Variants in PEX5L observed in about 807,000 individuals in gnomAD.
PEX5L encodes peroxisomal biogenesis factor 5 like.
Under a neutral mutation model 84.0 loss-of-function variants are expected in PEX5L, and 30 were observed. The ratio of observed to expected loss-of-function variants is 0.36; its 90% CI spans 0.27 to 0.48. The LOEUF (loss-of-function observed/expected upper bound fraction) is 0.48. Among genes scored for constraint, PEX5L ranks in the 20% least tolerant of loss-of-function variants. The pLI, the probability that PEX5L is intolerant of heterozygous loss-of-function variation, is 0.99. For synonymous variants in PEX5L, 270 were observed against 283.1 expected, an observed-to-expected ratio of 0.95 and a Z score of 0.46; for missense variants, 533 against 754.6, an observed-to-expected ratio of 0.71 and a Z score of 3.44.
intron 2 of PEX5L, among the ~76,000 whole-genome samples, chr3:179,969,243 A>G (rs1784143148): frequency 6.6e-6 from 1 of 152,108 alleles, no homozygotes; most frequent in South Asian, 2.1e-4. Context: ...TTGCAGTTAC[A>G]TGAAGATTAA....
At chr3:179,821,851 T>C (rs79676729) in intron 8 of PEX5L, among the ~76,000 whole-genome samples, 2,731 of 152,370 alleles carry the variant, frequency 0.018, 46 homozygotes, top group South Asian at 0.045. Flanking sequence ...ACCATGTTAA[T>C]AGAAATGTGC....
intron 1 of PEX5L, among the ~76,000 whole-genome samples, chr3:179,972,816 G>GTT (rs142647530): frequency 8.1e-5 from 12 of 147,516 alleles, no homozygotes; most frequent in African/African-American, 3.0e-4. Context: ...ATTTTTGTGG[G>GTT]TTTTTTTTTT....
At chr3:179,940,495 T>TATC (rs962231509) in intron 2 of PEX5L, among the ~76,000 whole-genome samples, 1 of 152,134 alleles carries the variant, frequency 6.6e-6, no homozygotes, top group Admixed American at 6.5e-5. Flanking sequence ...TAGTTGCCAC[T>TATC]ATCAGGAAAC....
intron 8 of PEX5L, among the ~76,000 whole-genome samples, chr3:179,821,110 C>T (rs1303421104): frequency 6.6e-6 from 1 of 152,078 alleles, no homozygotes; most frequent in Non-Finnish European, 1.5e-5. Context: ...AGCGGCGGGG[C>T]GGCGGGTGGG....
chr3:179,968,319 C>T (rs1489708247), intron 2 of PEX5L, among the ~76,000 whole-genome samples: 2 of 151,866 alleles, frequency 1.3e-5, no homozygotes, highest in Admixed American at 1.3e-4. Context: ...GTTTTTAATC[C>T]CTTAAGTCAA....
intron 2 of PEX5L, among the ~76,000 whole-genome samples, chr3:179,945,795 A>G (rs1056510272): frequency 1.3e-5 from 2 of 152,220 alleles, no homozygotes; most frequent in Non-Finnish European, 2.9e-5. Context: ...AGGAAAGTCT[A>G]TGAAACATAT....
chr3:179,912,748 C>CA (rs1410980872), intron 2 of PEX5L, among the ~76,000 whole-genome samples: 1 of 151,884 alleles, frequency 6.6e-6, no homozygotes, highest in Non-Finnish European at 1.5e-5. Context: ...TGCAATAAGA[C>CA]AAAAAACCTG....
At chr3:179,987,269 T>C (rs1040771769) in intron 1 of PEX5L, among the ~76,000 whole-genome samples, 1 of 150,580 alleles carries the variant, frequency 6.6e-6, no homozygotes, top group African/African-American at 2.4e-5. Context: ...CCTTCCTTTC[T>C]TCCTTCCTTC....
At chr3:179,866,404 T>C (rs770533588) in intron 7 of PEX5L, among the ~76,000 whole-genome samples, 1 of 152,168 alleles carries the variant, frequency 6.6e-6, no homozygotes, top group Non-Finnish European at 1.5e-5. Flanking sequence ...TGGTTTACCA[T>C]TTACTACCAC....
chr3:179,925,519 T>A (rs901794771), intron 2 of PEX5L, among the ~76,000 whole-genome samples: 1 of 152,258 alleles, frequency 6.6e-6, no homozygotes, highest in African/African-American at 2.4e-5. Flanking sequence ...TTTTCCTACA[T>A]CAGTGCATAA....
In PEX5L at chr3:179,830,294, CT is replaced by C. The variant is rs1553845041; in HGVS notation, c.823-10319del. Among the ~76,000 whole-genome samples the C allele has an allele frequency of 2.5e-3, 352 of 142,930 alleles. 1 individual carries two copies. The highest frequency in any genetic ancestry group is 3.6e-3 in the Middle Eastern group (1 of 274). 93.8% of individuals were successfully genotyped at this position (142,930 alleles called of 152,430 possible). ...TCTGATTTCCTCCCCCGCCCCCCCC[CT>C]TTTTTTTATGACTACCTGATTGTCA... On this transcript the variant is annotated intron_variant, in intron 8 of 14. Coordinates refer to ENST00000467460, the MANE Select transcript of PEX5L (RefSeq NM_016559.3).
intron 2 of PEX5L, among the ~76,000 whole-genome samples, chr3:179,968,036 T>C (rs760848569): frequency 2.0e-5 from 3 of 152,142 alleles, no homozygotes; most frequent in Non-Finnish European, 2.9e-5. Flanking sequence ...CTAAAGGCTA[T>C]GAAACTGCAA....
At chr3:180,036,514 G>C (rs1791920761) in intron 1 of PEX5L, 65 bp downstream of exon 1, 3 of 1,487,580 alleles carry the variant, frequency 2.0e-6, no homozygotes, top group Non-Finnish European at 1.9e-6. Flanking sequence ...ACAGAAACTT[G>C]GTGAACCGCC....
intron 2 of PEX5L, among the ~76,000 whole-genome samples, chr3:179,967,548 T>G (rs1783654636): frequency 6.6e-6 from 1 of 152,152 alleles, no homozygotes. Flanking sequence ...GGTTCAAGAT[T>G]ACCAGATTTC....
At chr3:180,024,390 A>T (rs1790740482) in intron 1 of PEX5L, among the ~76,000 whole-genome samples, 1 of 138,940 alleles carries the variant, frequency 7.2e-6, no homozygotes, top group African/African-American at 2.9e-5. Flanking sequence ...ACAAAAAAAA[A>T]AAAAATTAGC....
At chr3:179,917,566 T>C (rs538483224) in intron 2 of PEX5L, among the ~76,000 whole-genome samples, 206 of 152,342 alleles carry the variant, frequency 1.4e-3, no homozygotes, top group African/African-American at 4.5e-3. Context: ...TTAGCACTGC[T>C]ATGATGTCAC....
intron 1 of PEX5L, among the ~76,000 whole-genome samples, chr3:179,977,920 C>G (rs1188321875): frequency 1.3e-5 from 2 of 152,132 alleles, no homozygotes; most frequent in African/African-American, 4.8e-5. Context: ...AGTGGCCACA[C>G]AGTACACTTT....
chr3:179,808,209 G>C, intron 13 of PEX5L, 63 bp downstream of exon 13: 1 of 1,331,376 alleles, frequency 7.5e-7, no homozygotes, highest in Admixed American at 2.5e-5. Flanking sequence ...AGACGGTGTA[G>C]CCTGTGAAAA....
intron 5 of PEX5L, 92 bp downstream of exon 5, chr3:179,879,837 T>G (rs904136808): frequency 4.4e-5 from 38 of 865,196 alleles, no homozygotes; most frequent in Non-Finnish European, 6.3e-5. Flanking sequence ...TACTCCTTTG[T>G]TCTCTGTTTA....
Sources: allele counts gnomAD v4.1 joint callset (sites outside exome capture counted in the v4.1 genomes callset), GRCh38; gene constraint gnomAD v4.1.1; transcripts MANE v1.5; gene names NCBI Gene and HGNC (gene_info 2026-07-23, HGNC 2026-07-21).